The following MSN variants were observed in gnomAD, a reference collection of about 807,000 sequenced individuals.
The protein encoded by MSN is moesin.
Under a neutral mutation model 48.0 loss-of-function variants are expected in MSN, and 2 were observed. The observed-to-expected ratio is 0.04, with a 90% CI of 0.02 to 0.13. The LOEUF (loss-of-function observed/expected upper bound fraction) is 0.13, where lower values mean the gene tolerates loss of function less well. Among genes scored for constraint, MSN ranks in the 10% least tolerant of loss-of-function variants. MSN has a pLI of 1.00. For missense variants in MSN, 267 were observed against 470.1 expected (o/e 0.57, Z 3.99); for synonymous variants, 146 against 166.9 (o/e 0.87, Z 0.97).
intron 1 of MSN, among the ~76,000 whole-genome samples, chrX:65,622,510 G>GTTTTTTTTT (rs1216557190): frequency 6.3e-4 from 42 of 66,438 alleles, no homozygotes; most frequent in Non-Finnish European, 9.8e-4. Context: ...AGGCATCTTT[G>GTTTTTTTTT]TTTTTTTTTT....
At chrX:65,646,348 T>G (rs1225875673) in intron 1 of MSN, among the ~76,000 whole-genome samples, 1 of 112,157 alleles carries the variant, frequency 8.9e-6, no homozygotes. Context: ...TTTTACAATT[T>G]TATTGCTTTC....
chrX:65,738,039 T>C (rs1169776363), intron 10 of MSN, among the ~76,000 whole-genome samples: 2 of 112,449 alleles, frequency 1.8e-5, no homozygotes, highest in Non-Finnish European at 3.8e-5. Flanking sequence ...ATGAGGAAGC[T>C]GTCATGGGAG....
intron 1 of MSN, among the ~76,000 whole-genome samples, chrX:65,635,486 G>A (rs930543431): frequency 8.9e-6 from 1 of 111,921 alleles, no homozygotes; most frequent in Non-Finnish European, 1.9e-5. Context: ...AGGAGGGAAA[G>A]CTGGTTTATT....
At chrX:65,683,393 GCCACCACCACCACCACCA>G (rs535010759) in intron 1 of MSN, among the ~76,000 whole-genome samples, 92 of 91,317 alleles carry the variant, frequency 1.0e-3, no homozygotes, top group African/African-American at 2.9e-3. Context: ...TGCCGCCGCC[GCCACCACCACCACCACCA>G]CCACCACCAC....
intron 1 of MSN, among the ~76,000 whole-genome samples, chrX:65,676,060 G>A (rs2070995644): frequency 8.9e-6 from 1 of 112,897 alleles, no homozygotes; most frequent in Non-Finnish European, 1.9e-5. Flanking sequence ...CTTTATGTCA[G>A]CAGCCTAGAA....
intron 8 of MSN, among the ~76,000 whole-genome samples, chrX:65,735,737 T>A (rs2071670221): frequency 8.9e-6 from 1 of 112,392 alleles, no homozygotes; most frequent in African/African-American, 3.2e-5. Flanking sequence ...TTAATAAATA[T>A]TTATTGAGCA....
chrX:65,657,037 C>T (rs759488696), intron 1 of MSN, among the ~76,000 whole-genome samples: 4 of 111,568 alleles, frequency 3.6e-5, no homozygotes, highest in South Asian at 7.6e-4. Flanking sequence ...GGCAGGGAGA[C>T]GAGGGAGGAG....
chrX:65,662,904 T>C (rs964660474), upstream of MSN, among the ~76,000 whole-genome samples: 2 of 111,919 alleles, frequency 1.8e-5, no homozygotes, highest in African/African-American at 3.2e-5. Flanking sequence ...GGGCTTAACA[T>C]CTAGAATCTA....
At position 65,729,574 on chromosome X, in the gene MSN, T is replaced by G. The variant is rs1313851933; in HGVS notation, c.329T>G (p.Ile110Ser). Residue 110 changes from isoleucine (I) to serine (S), a missense_variant, in exon 4 of 13, where the codon ATT becomes AGT. Physicochemically the swap from Ile to Ser is moderately radical, Grantham distance 142. Transcript: ENST00000360270. Reference protein sequence around the residue: ...RLFFLQVKEGILNDDIYCPPE... With the variant: ...RLFFLQVKEGSLNDDIYCPPE... ...TTCTTTCTGCAAGTGAAAGAGGGCA[T>G]TCTCAATGATGATATTTACTGCCCG... The G allele has an allele frequency of 8.3e-7, 1 of 1,210,242 alleles. No individual in the cohort carries two copies. Among genetic ancestry groups the G allele is most frequent in the African/African-American group, 1.7e-5 (1 of 57,244 alleles).
intron 1 of MSN, among the ~76,000 whole-genome samples, chrX:65,689,955 T>G (rs1022685027): frequency 9.0e-6 from 1 of 111,605 alleles, no homozygotes; most frequent in African/African-American, 3.3e-5. Flanking sequence ...TGTTGACTGT[T>G]AGAGCTGCCC....
At chrX:65,653,834 C>T (rs1194955265) in intron 1 of MSN, among the ~76,000 whole-genome samples, 2 of 110,752 alleles carry the variant, frequency 1.8e-5, no homozygotes, top group African/African-American at 6.6e-5. Context: ...AGTGTAGTGG[C>T]GCGACCTCGG....
intron 2 of MSN, among the ~76,000 whole-genome samples, chrX:65,721,394 G>A (rs1311124369): frequency 8.9e-6 from 1 of 112,027 alleles, no homozygotes; most frequent in East Asian, 2.8e-4. Context: ...TAAGTAAAAT[G>A]CCTGGTGCAT....
intron 2 of MSN, among the ~76,000 whole-genome samples, chrX:65,723,209 GA>G (rs1474694731): frequency 8.9e-6 from 1 of 111,805 alleles, no homozygotes; most frequent in Non-Finnish European, 1.9e-5. Flanking sequence ...GCTGTGAGAT[GA>G]ATGTGGTTTA....
At chrX:65,727,643 G>A (rs923064070) in intron 2 of MSN, among the ~76,000 whole-genome samples, 171 bp from the exon 3 acceptor site, 2 of 112,088 alleles carry the variant, frequency 1.8e-5, no homozygotes, top group African/African-American at 6.5e-5. Flanking sequence ...TGTGCAGAGA[G>A]ATGCCGACAT....
intron 1 of MSN, among the ~76,000 whole-genome samples, chrX:65,683,767 C>T (rs188755492): frequency 7.2e-5 from 8 of 110,826 alleles, no homozygotes; most frequent in Admixed American, 1.9e-4. Context: ...CTTTGTTTTA[C>T]AATTTTGGAT....
rs1175659709 is a variant in MSN at position 65,729,724 on chromosome X, C to T, written c.467+12C>T. 2.5e-6 allele frequency: 3 copies of T among 1,204,955 alleles called. No homozygotes were observed. Among genetic ancestry groups the T allele is most frequent in the Admixed American group, 2.2e-5 (1 of 45,708 alleles). The stretch of plus-strand genomic sequence containing the variant: ...TTGCTCCCGCAGAGGTGAGGTGGTT[C>T]CCTGCCCTCCTTTGCCTTGGCCATA... On this transcript the variant is annotated intron_variant, in intron 4 of 12. Transcript: ENST00000360270.
At chrX:65,631,089 C>T (rs745454874) in intron 1 of MSN, among the ~76,000 whole-genome samples, 1 of 108,254 alleles carries the variant, frequency 9.2e-6, no homozygotes, top group South Asian at 4.1e-4. Flanking sequence ...CCTCTATATC[C>T]TGCTTCTTTT....
intron 1 of MSN, among the ~76,000 whole-genome samples, chrX:65,695,345 A>C (rs779358381): frequency 9.4e-4 from 103 of 109,446 alleles, no homozygotes; most frequent in Non-Finnish European, 1.8e-3. Flanking sequence ...TACTAAAAAT[A>C]CAAAATTAGC....
At chrX:65,717,660 A>G (rs1396708956) in intron 2 of MSN, among the ~76,000 whole-genome samples, 1 of 112,185 alleles carries the variant, frequency 8.9e-6, no homozygotes, top group East Asian at 2.8e-4. Flanking sequence ...CTGTGGCCAG[A>G]CTTCTAGGAG....
Sources: allele counts gnomAD v4.1 joint callset (sites outside exome capture counted in the v4.1 genomes callset), GRCh38; gene constraint gnomAD v4.1.1; transcripts MANE v1.5; gene names NCBI Gene and HGNC (gene_info 2026-07-23, HGNC 2026-07-21).